Variants in EEA1 observed in about 807,000 individuals in gnomAD.
EEA1 encodes early endosome antigen 1, 162kD.
EEA1 carries 111 observed loss-of-function variants against 209.2 expected under a neutral mutation model. The ratio of observed to expected loss-of-function variants is 0.53; its 90% CI spans 0.45 to 0.62. EEA1 has a LOEUF of 0.62. Among genes scored for constraint, EEA1 ranks in the 20% least tolerant of loss-of-function variants. The pLI is 0.00. For missense variants in EEA1, 1,343 were observed against 1,530.8 expected (o/e 0.88, Z 2.05); for synonymous variants, 536 against 540.6 (o/e 0.99, Z 0.12).
intron 12 of EEA1, 100 bp downstream of exon 12, chr12:92,827,812 T>TA (rs1876390472): frequency 7.7e-7 from 1 of 1,304,246 alleles, no homozygotes; most frequent in Non-Finnish European, 1.0e-6. Flanking sequence ...ATTTGCACTT[T>TA]AAAAAGTCCA....
At chr12:92,849,024 T>C (rs1049649632) in intron 9 of EEA1, among the ~76,000 whole-genome samples, 5 of 152,186 alleles carry the variant, frequency 3.3e-5, no homozygotes, top group African/African-American at 1.2e-4. Context: ...ACTCAGCCTG[T>C]ATTTTTTTTA....
At chr12:92,812,715 G>A (rs1398191250) in intron 16 of EEA1, among the ~76,000 whole-genome samples, 2 of 152,100 alleles carry the variant, frequency 1.3e-5, no homozygotes, top group Non-Finnish European at 2.9e-5. Context: ...CTACACCAAG[G>A]TCTAGGCTAG....
At chr12:92,894,788 A>G (rs1007352945) in intron 1 of EEA1, among the ~76,000 whole-genome samples, 4 of 152,096 alleles carry the variant, frequency 2.6e-5, no homozygotes, top group African/African-American at 9.7e-5. Flanking sequence ...CAAGTTATCC[A>G]GAAGATCTAG....
Position 92,774,277 on chromosome 12 carries a change from G to A in EEA1, c.*1734C>T, listed in dbSNP as rs2136643501. On this transcript the variant is annotated 3_prime_UTR_variant, in exon 29 of 29. Coordinates refer to ENST00000322349, the MANE Select transcript of EEA1 (RefSeq NM_003566.4). ...AAGGATATATGTTTATCCAAGTCCA[G>A]GGACTTAATCAATGTTCTTAATAGC... is the stretch of plus-strand genomic sequence containing the variant. 6.6e-6 allele frequency: 1 copy of A among 151,364 alleles called. No homozygotes were observed. Among genetic ancestry groups the A allele is most frequent in the South Asian group, 2.1e-4 (1 of 4,816 alleles). The allele number at this position is 151,364 out of a possible 1,614,324, so 9.4% of individuals were successfully genotyped here.
chr12:92,791,980 C>T (rs954494138), intron 21 of EEA1, among the ~76,000 whole-genome samples: 50 of 152,092 alleles, frequency 3.3e-4, no homozygotes, highest in Non-Finnish European at 4.9e-4. Flanking sequence ...CACTGAAAAC[C>T]GCAGAACTAC....
chr12:92,817,651 A>G (rs758584385), intron 14 of EEA1, among the ~76,000 whole-genome samples: 1 of 152,168 alleles, frequency 6.6e-6, no homozygotes, highest in Non-Finnish European at 1.5e-5. Context: ...CCCACTGAAT[A>G]ATTTCTCTCC....
intron 20 of EEA1, 68 bp from the exon 21 acceptor site, chr12:92,799,154 G>GA (rs539106125): frequency 1.3e-4 from 172 of 1,298,238 alleles, no homozygotes; most frequent in Middle Eastern, 4.8e-4. Flanking sequence ...TGAGTAACTA[G>GA]AAAAAAAAAT....
intron 21 of EEA1, among the ~76,000 whole-genome samples, chr12:92,790,509 G>A (rs1262816892): frequency 1.3e-5 from 2 of 152,114 alleles, no homozygotes; most frequent in East Asian, 1.9e-4. Context: ...CAGCTGATTC[G>A]ATCAAGTGGA....
chr12:92,827,225 C>T (rs1265948055), intron 12 of EEA1, among the ~76,000 whole-genome samples: 3 of 152,022 alleles, frequency 2.0e-5, no homozygotes, highest in Non-Finnish European at 1.5e-5. Flanking sequence ...GGCGTAGTGG[C>T]GCACATCTGT....
In EEA1 at chr12:92,801,602, CCTT is replaced by C. The variant is rs1187368431; in HGVS notation, c.2767_2769del (p.Lys923del). 6.3e-7 allele frequency: 1 copy of C among 1,577,854 alleles called. No homozygotes were observed. The highest frequency in any genetic ancestry group is 1.2e-5 in the South Asian group (1 of 82,904). The stretch of plus-strand genomic sequence containing the variant: ...ATGTTACAAAAAAAAAATCTTACCT[CCTT>C]CTCTTTTTCAAGTGACTTTTTCAGT... On this transcript the variant is annotated inframe_deletion, in exon 20 of 29. Coordinates refer to ENST00000322349, the MANE Select transcript of EEA1 (RefSeq NM_003566.4).
chr12:92,827,749 C>A (rs1293384956), intron 12 of EEA1, among the ~76,000 whole-genome samples, 163 bp downstream of exon 12: 1 of 152,190 alleles, frequency 6.6e-6, no homozygotes, highest in Non-Finnish European at 1.5e-5. Context: ...ACAATTACAA[C>A]AAAATGACTT....
chr12:92,842,720 A>G (rs1249066348), intron 9 of EEA1, 139 bp from the exon 10 acceptor site: 4 of 568,442 alleles, frequency 7.0e-6, no homozygotes, highest in Admixed American at 7.3e-5. Flanking sequence ...CCTACCACCT[A>G]TACTGCCACA....
Position 92,857,298 on chromosome 12 carries a change from T to C in EEA1, c.343A>G (p.Lys115Glu). The C allele has an allele frequency of 6.3e-7, 1 of 1,590,238 alleles. No individual in the cohort carries two copies. The highest frequency in any genetic ancestry group is 8.5e-7 in the Non-Finnish European group (1 of 1,171,426). ...ACTTGCTGCTGCAGCCCTTGATATT[T>C]TTCTAATTCCTTCTTTAATTCTTCC... ...YSEELKKELEKYQGLQQQEAK... is the reference protein window; with the variant it reads ...YSEELKKELEEYQGLQQQEAK... The change falls in exon 5 of 29, where the codon AAA becomes GAA. Residue 115 changes from lysine (K) to glutamate (E), a missense_variant. Transcript: ENST00000322349.
intron 1 of EEA1, among the ~76,000 whole-genome samples, chr12:92,917,024 T>C (rs1275197412): frequency 5.3e-5 from 8 of 149,774 alleles, no homozygotes; most frequent in East Asian, 1.9e-4. Flanking sequence ...TGAAATGAAG[T>C]GAGAAGGGAA....
At chr12:92,856,137 G>A (rs976174270) in intron 5 of EEA1, among the ~76,000 whole-genome samples, 2 of 152,112 alleles carry the variant, frequency 1.3e-5, no homozygotes, top group Non-Finnish European at 2.9e-5. Context: ...AAGATAACAT[G>A]CAAAGGGATT....
intron 2 of EEA1, chr12:92,884,257 C>G: frequency 6.6e-7 from 1 of 1,508,066 alleles, no homozygotes; most frequent in South Asian, 1.1e-5. Context: ...ATAAGACTGT[C>G]ATTCAGAAAT....
At chr12:92,926,301 C>T (rs1565866690) in intron 1 of EEA1, among the ~76,000 whole-genome samples, 1 of 152,060 alleles carries the variant, frequency 6.6e-6, no homozygotes. Flanking sequence ...CCAAGGAATG[C>T]CACATAATTT....
At chr12:92,809,524 A>T (rs1368874270) in intron 17 of EEA1, among the ~76,000 whole-genome samples, 16 of 63,870 alleles carry the variant, frequency 2.5e-4, no homozygotes, top group African/African-American at 6.7e-4. Flanking sequence ...TATCTCTACT[A>T]AAAAAAAAAA....
intron 1 of EEA1, among the ~76,000 whole-genome samples, chr12:92,916,668 G>A (rs1317491579): frequency 1.1e-5 from 1 of 90,490 alleles, no homozygotes; most frequent in Admixed American, 9.4e-5. Context: ...AAAACTGGAA[G>A]CTCTAAAAAT....
Sources: gnomAD v4.1 joint callset for allele counts (sites outside exome capture counted in the v4.1 genomes callset) on GRCh38, gnomAD v4.1.1 for gene constraint, MANE v1.5 for transcripts, NCBI Gene and HGNC (gene_info 2026-07-23, HGNC 2026-07-21) for gene names.